Variants in NEO1 observed in about 807,000 individuals in gnomAD.
The protein encoded by NEO1 is neogenin 1, also known as neogenin.
NEO1 carries 63 observed loss-of-function variants against 159.7 expected under a neutral mutation model. The ratio of observed to expected loss-of-function variants is 0.39; its 90% CI spans 0.32 to 0.49. The LOEUF (loss-of-function observed/expected upper bound fraction) is 0.49, where lower values mean the gene tolerates loss of function less well. Among genes scored for constraint, NEO1 ranks in the 20% least tolerant of loss-of-function variants. NEO1 has a pLI of 0.85. For synonymous variants in NEO1, 633 were observed against 662.0 expected, an observed-to-expected ratio of 0.96 and a Z score of 0.67; for missense variants, 1,615 against 1,831.0, an observed-to-expected ratio of 0.88 and a Z score of 2.15.
chr15:73,155,736 G>C (rs1052902646), intron 5 of NEO1, among the ~76,000 whole-genome samples: 4 of 152,072 alleles, frequency 2.6e-5, no homozygotes, highest in Admixed American at 6.5e-5. Context: ...TTCTGTTCAG[G>C]CTTGTCTATT....
chr15:73,228,954 A>G (rs914184274), intron 7 of NEO1, among the ~76,000 whole-genome samples: 8 of 152,152 alleles, frequency 5.3e-5, no homozygotes, highest in African/African-American at 1.9e-4. Context: ...ATATGTCTTG[A>G]TTACTGTAGC....
At position 73,236,244 on chromosome 15, in the gene NEO1, C is replaced by T. The variant is rs1010935849; in HGVS notation, c.1292-103C>T. On this transcript the variant is annotated intron_variant, in intron 7 of 28. Coordinates refer to ENST00000261908, the MANE Select transcript of NEO1 (RefSeq NM_002499.4). Reference sequence around the variant, plus strand: ...TTTCTGTTCTCTTTTTTAAAACCGTCGTGGTTTGCCCTTCATATTCCCCAA... The same window carrying T: ...TTTCTGTTCTCTTTTTTAAAACCGTTGTGGTTTGCCCTTCATATTCCCCAA... The T allele has an allele frequency of 7.3e-6, 11 of 1,497,962 alleles. 1 individual carries two copies. The highest frequency in any genetic ancestry group is 2.3e-5 in the South Asian group (2 of 85,906). 92.8% of individuals were successfully genotyped at this position (1,497,962 alleles called of 1,614,324 possible).
At chr15:73,081,246 A>G (rs1416331045) in intron 1 of NEO1, among the ~76,000 whole-genome samples, 3 of 152,038 alleles carry the variant, frequency 2.0e-5, no homozygotes, top group Admixed American at 6.5e-5. Context: ...TTGGGATTCA[A>G]ACTCCTCTTA....
At chr15:73,254,994 G>A (rs375195292) in intron 13 of NEO1, among the ~76,000 whole-genome samples, 165 bp downstream of exon 13, 2 of 152,170 alleles carry the variant, frequency 1.3e-5, no homozygotes, top group African/African-American at 4.8e-5. Flanking sequence ...AGAGATTAAT[G>A]GAAAACACTC....
intron 5 of NEO1, among the ~76,000 whole-genome samples, chr15:73,152,848 T>C (rs1016138830): frequency 6.6e-6 from 1 of 152,026 alleles, no homozygotes; most frequent in Non-Finnish European, 1.5e-5. Flanking sequence ...GTGTTGATGA[T>C]TGTGGTGGTG....
At chr15:73,258,972 T>C in intron 14 of NEO1, 96 bp downstream of exon 14, 1 of 1,015,410 alleles carries the variant, frequency 9.8e-7, no homozygotes, top group Non-Finnish European at 1.5e-6. Flanking sequence ...TGGATATGGC[T>C]CAAGTCTGTG....
chr15:73,259,826 A>C (rs773664388), intron 14 of NEO1, among the ~76,000 whole-genome samples: 1 of 152,144 alleles, frequency 6.6e-6, no homozygotes, highest in Non-Finnish European at 1.5e-5. Context: ...GGGAGTAAAT[A>C]ATTGGTGCTA....
At chr15:73,112,945 A>G (rs1018310184) in intron 1 of NEO1, among the ~76,000 whole-genome samples, 11 of 152,126 alleles carry the variant, frequency 7.2e-5, no homozygotes, top group African/African-American at 2.7e-4. Flanking sequence ...TCCTAGTAAC[A>G]TTTATTGAGT....
chr15:73,134,269 T>G (rs1034436714), intron 4 of NEO1, among the ~76,000 whole-genome samples: 1 of 152,114 alleles, frequency 6.6e-6, no homozygotes, highest in Non-Finnish European at 1.5e-5. Flanking sequence ...GATTTAAGGG[T>G]GTTATTAAGA....
chr15:73,222,205 T>C (rs1309287541), intron 7 of NEO1: 12 of 144,484 alleles, frequency 8.3e-5, no homozygotes. Flanking sequence ...CCTGGGTTCA[T>C]GCCATTCTCC....
chr15:73,198,889 T>C (rs1443697701), intron 7 of NEO1, among the ~76,000 whole-genome samples: 2 of 151,926 alleles, frequency 1.3e-5, no homozygotes, highest in Non-Finnish European at 2.9e-5. Flanking sequence ...AGTTCTCATA[T>C]ATCCTACACC....
chr15:73,170,333 C>A (rs1240097928), intron 5 of NEO1, among the ~76,000 whole-genome samples: 4 of 152,026 alleles, frequency 2.6e-5, no homozygotes, highest in Admixed American at 6.6e-5. Flanking sequence ...GCTTGAGATA[C>A]AGATGTAAAA....
intron 7 of NEO1, among the ~76,000 whole-genome samples, chr15:73,200,754 G>A (rs2680351): frequency 0.093 from 14,013 of 150,304 alleles, 878 homozygotes; most frequent in African/African-American, 0.17. Flanking sequence ...CATGATCGGG[G>A]CTCACGGCAG....
At chr15:73,127,197 C>G (rs934198662) in intron 4 of NEO1, among the ~76,000 whole-genome samples, 2 of 150,616 alleles carry the variant, frequency 1.3e-5, no homozygotes, top group Middle Eastern at 3.2e-3. Flanking sequence ...CGTCACTGCA[C>G]TCTAGCCTGG....
intron 5 of NEO1, among the ~76,000 whole-genome samples, chr15:73,171,225 T>C (rs1287957235): frequency 1.3e-5 from 2 of 152,044 alleles, no homozygotes; most frequent in African/African-American, 4.8e-5. Flanking sequence ...TTAACACCAG[T>C]GAATGCACCT....
At chr15:73,167,411 C>CT (rs1448674232) in intron 5 of NEO1, among the ~76,000 whole-genome samples, 3 of 152,156 alleles carry the variant, frequency 2.0e-5, no homozygotes, top group Non-Finnish European at 4.4e-5. Context: ...TCAGGGCCAG[C>CT]TAGGTGCCTG....
intron 24 of NEO1, chr15:73,288,926 A>T: frequency 1.8e-6 from 1 of 569,042 alleles, no homozygotes; most frequent in Non-Finnish European, 3.1e-6. Context: ...ACACCCTGTG[A>T]AGTATGGTGG....
chr15:73,264,091 A>C (rs890880003), intron 15 of NEO1, among the ~76,000 whole-genome samples: 1 of 152,010 alleles, frequency 6.6e-6, no homozygotes, highest in Non-Finnish European at 1.5e-5. Context: ...GGAGGCTGAG[A>C]TAGGAGGATC....
intron 27 of NEO1, chr15:73,300,097 T>G (rs2042554439): frequency 6.6e-6 from 1 of 152,258 alleles, no homozygotes; most frequent in Non-Finnish European, 1.5e-5. Flanking sequence ...TTAGAAAATA[T>G]TGGTCCACTA....
Sources: allele counts gnomAD v4.1 joint callset (sites outside exome capture counted in the v4.1 genomes callset), GRCh38; gene constraint gnomAD v4.1.1; transcripts MANE v1.5; gene names NCBI Gene and HGNC (gene_info 2026-07-23, HGNC 2026-07-21).